COL11A1: variants seen among roughly 807,000 people sequenced by gnomAD.
COL11A1 encodes the protein collagen type XI alpha 1 chain.
COL11A1 carries 74 observed loss-of-function variants against 265.2 expected under a neutral mutation model. That is an observed-to-expected ratio of 0.28 (90% CI 0.23 to 0.34). COL11A1 has a LOEUF of 0.34. Ranked by LOEUF, COL11A1 falls within the 10% of genes least tolerant of loss-of-function variation. The probability of loss-of-function intolerance (pLI) is 1.00; values close to 1 mark genes in which losing one functional copy is unlikely to be tolerated. For missense variants in COL11A1, 2,165 were observed against 2,263.6 expected (o/e 0.96, Z 0.88); for synonymous variants, 816 against 727.6 (o/e 1.12, Z -1.96).
At chr1:102,961,340 A>G (rs1660887116) in intron 41 of COL11A1, among the ~76,000 whole-genome samples, 1 of 152,214 alleles carries the variant, frequency 6.6e-6, no homozygotes, top group African/African-American at 2.4e-5. Flanking sequence ...AGCAATATGC[A>G]TAATATATAA....
chr1:102,878,252 G>A, intron 66 of COL11A1, 87 bp from the exon 67 acceptor site: 2 of 1,205,016 alleles, frequency 1.7e-6, no homozygotes, highest in Middle Eastern at 2.8e-4. Flanking sequence ...CTGAGTGGAG[G>A]TAAGAAGCTG....
intron 3 of COL11A1, among the ~76,000 whole-genome samples, chr1:103,077,549 A>T (rs1358063805): frequency 6.6e-6 from 1 of 152,064 alleles, no homozygotes; most frequent in East Asian, 1.9e-4. Flanking sequence ...AGTCTCAGTA[A>T]AACTGAGACT....
intron 35 of COL11A1, among the ~76,000 whole-genome samples, chr1:102,978,003 T>C (rs1662669535): frequency 6.6e-6 from 1 of 152,112 alleles, no homozygotes; most frequent in African/African-American, 2.4e-5. Flanking sequence ...AATCATAATA[T>C]ACAAAAATAT....
chr1:103,095,902 G>T (rs1673718535), intron 1 of COL11A1, among the ~76,000 whole-genome samples: 1 of 151,990 alleles, frequency 6.6e-6, no homozygotes, highest in Non-Finnish European at 1.5e-5. Context: ...TGTGAATACT[G>T]CTATAAAAAA....
At chr1:103,093,728 G>T (rs770880221) in intron 1 of COL11A1, among the ~76,000 whole-genome samples, 2 of 152,064 alleles carry the variant, frequency 1.3e-5, no homozygotes, top group African/African-American at 2.4e-5. Context: ...GTAATAAACC[G>T]CCTTTTAAAG....
Position 102,890,334 on chromosome 1 carries a change from G to C in COL11A1, c.4356+117C>G, listed in dbSNP as rs1465882404. On this transcript the variant is annotated intron_variant, in intron 58 of 66. Coordinates refer to ENST00000370096, the MANE Select transcript of COL11A1 (RefSeq NM_001854.4). ...AGCTAAGGATTGAAGCTTTTTTCAGGGTTAGAATGAAGATATTGTTTGAAA... is the reference window on the plus strand; with the variant it reads ...AGCTAAGGATTGAAGCTTTTTTCAGCGTTAGAATGAAGATATTGTTTGAAA... 5 of 916,678 alleles carry C rather than the reference G, an allele frequency of 5.5e-6. No individual in the cohort carries two copies. In the Admixed American group the frequency reaches 1.3e-4, roughly 23 times the overall value. The allele number at this position is 916,678 out of a possible 1,614,324, so 56.8% of individuals were successfully genotyped here.
intron 36 of COL11A1, among the ~76,000 whole-genome samples, chr1:102,974,358 T>A (rs1486979380): frequency 6.6e-6 from 1 of 152,154 alleles, no homozygotes; most frequent in African/African-American, 2.4e-5. Context: ...TTACATTTTC[T>A]AAAAAGAAGG....
At chr1:103,024,526 T>A (rs1241343972) in intron 7 of COL11A1, among the ~76,000 whole-genome samples, 3 of 152,160 alleles carry the variant, frequency 2.0e-5, no homozygotes, top group Non-Finnish European at 4.4e-5. Flanking sequence ...TTTTTTTGTA[T>A]TCTTAGATAA....
At chr1:103,030,531 C>T (rs1475889292) in intron 5 of COL11A1, among the ~76,000 whole-genome samples, 1 of 151,108 alleles carries the variant, frequency 6.6e-6, no homozygotes, top group African/African-American at 2.4e-5. Context: ...CTTTTTAAAA[C>T]TCTAAGTCTT....
Position 103,096,797 on chromosome 1 carries a change from A to C in COL11A1, c.106+11276T>G, listed in dbSNP as rs867177538. Among the ~76,000 whole-genome samples the C allele has an allele frequency of 2.6e-5, 4 of 152,158 alleles. No individual in the cohort carries two copies. The South Asian group carries it at 8.3e-4, about 32-fold the overall frequency. Reference sequence around the variant, plus strand: ...ATGACCTCATATATTAATCTTAAGAAACAAAAATCATTGTTTGCAATTTTT... The same window carrying C: ...ATGACCTCATATATTAATCTTAAGACACAAAAATCATTGTTTGCAATTTTT... On this transcript the variant is annotated intron_variant, in intron 1 of 66. Coordinates refer to ENST00000370096, the MANE Select transcript of COL11A1 (RefSeq NM_001854.4).
intron 41 of COL11A1, among the ~76,000 whole-genome samples, chr1:102,948,177 C>T (rs1373226106): frequency 1.3e-5 from 2 of 151,984 alleles, no homozygotes; most frequent in Non-Finnish European, 2.9e-5. Context: ...AAAATGGTAA[C>T]TATACCAACA....
chr1:102,898,408 C>T (rs908350927), intron 56 of COL11A1, among the ~76,000 whole-genome samples: 1 of 151,726 alleles, frequency 6.6e-6, no homozygotes, highest in African/African-American at 2.4e-5. Flanking sequence ...TATATATAAA[C>T]ATTTCACATC....
chr1:103,023,370 CT>C (rs112800509), intron 7 of COL11A1, among the ~76,000 whole-genome samples: 222 of 142,718 alleles, frequency 1.6e-3, no homozygotes, highest in Middle Eastern at 3.7e-3. Flanking sequence ...TTTTTTCTTT[CT>C]TTTTTTTTTT....
At chr1:102,960,372 T>C (rs1051864870) in intron 41 of COL11A1, among the ~76,000 whole-genome samples, 4 of 152,106 alleles carry the variant, frequency 2.6e-5, no homozygotes, top group African/African-American at 2.4e-5. Context: ...AGGCACCGTA[T>C]TTTGAGTAAC....
At chr1:103,095,884 T>C (rs1673717708) in intron 1 of COL11A1, among the ~76,000 whole-genome samples, 1 of 152,000 alleles carries the variant, frequency 6.6e-6, no homozygotes, top group Non-Finnish European at 1.5e-5. Context: ...ATGTACTCTA[T>C]GTGAATATGT....
chr1:102,889,492 G>C lies in COL11A1; in HGVS notation c.4427C>G (p.Pro1476Arg). The change falls in exon 59 of 67, where the codon CCT (proline) becomes CGT (arginine). Residue 1476 changes from proline (P) to arginine (R), a missense_variant. Physicochemically the swap from Pro to Arg is moderately radical, Grantham distance 103. Transcript: ENST00000370096. ...EQGEKGDRGL[P>R]GTQGSPGAKG... Reference sequence around the variant, plus strand: ...TGCTCCTGGAGATCCTTGAGTTCCAGGGAGCCCTCGGTCACCTTTTTCCCC... The same window carrying C: ...TGCTCCTGGAGATCCTTGAGTTCCACGGAGCCCTCGGTCACCTTTTTCCCC... 6.2e-7 allele frequency: 1 copy of C among 1,613,420 alleles called. No homozygotes were observed. The highest frequency in any genetic ancestry group is 1.3e-5 in the African/African-American group (1 of 74,906).
chr1:103,025,554 T>C lies in COL11A1; in HGVS notation c.957A>G (p.Thr319=). The C allele has an allele frequency of 6.2e-7, 1 of 1,613,750 alleles. No individual in the cohort carries two copies. The highest frequency in any genetic ancestry group is 1.1e-5 in the South Asian group (1 of 91,076). The change falls in exon 7 of 67, where the codon ACA becomes ACG. Residue 319 remains threonine, a synonymous_variant. Coordinates refer to ENST00000370096, the MANE Select transcript of COL11A1 (RefSeq NM_001854.4). The part of the protein sequence containing the change: ...YNYGTMESYQ[T]EAPRHVSGTN... ...TCCCAGAAACATGCCTAGGAGCTTC[T>C]GTCTGGTAACTTTCCATTGTTCCAT...
chr1:102,925,673 G>A (rs1656516791), intron 46 of COL11A1, among the ~76,000 whole-genome samples: 1 of 151,914 alleles, frequency 6.6e-6, no homozygotes, highest in African/African-American at 2.4e-5. Context: ...AAAAATTGTA[G>A]GTGACTGCAA....
intron 4 of COL11A1, among the ~76,000 whole-genome samples, chr1:103,036,704 A>G (rs1668399916): frequency 6.6e-6 from 1 of 152,086 alleles, no homozygotes; most frequent in South Asian, 2.1e-4. Context: ...TACAGATTGA[A>G]TGAACTATAA....
Sources: allele counts gnomAD v4.1 joint callset (sites outside exome capture counted in the v4.1 genomes callset), GRCh38; gene constraint gnomAD v4.1.1; transcripts MANE v1.5; gene names NCBI Gene and HGNC (gene_info 2026-07-23, HGNC 2026-07-21).